EPHB1: variants seen among roughly 807,000 people sequenced by gnomAD.
The protein encoded by EPHB1 is EPH receptor B1.
Under a neutral mutation model 94.4 loss-of-function variants are expected in EPHB1, and 30 were observed. The observed-to-expected ratio is 0.32, with a 90% CI of 0.24 to 0.43. EPHB1 has a LOEUF of 0.43. Ranked by LOEUF, EPHB1 falls within the 20% of genes least tolerant of loss-of-function variation. EPHB1 has a pLI of 1.00. For synonymous variants in EPHB1, 522 were observed against 489.1 expected (o/e 1.07, Z -0.89); for missense variants, 1,055 against 1,308.3 (o/e 0.81, Z 2.99).
intron 4 of EPHB1, among the ~76,000 whole-genome samples, chr3:135,113,798 C>G (rs1576396235): frequency 1.3e-5 from 2 of 152,328 alleles, no homozygotes; most frequent in Middle Eastern, 6.8e-3. Flanking sequence ...GTTGCTTTAA[C>G]TGTTCCCCAA....
At chr3:135,178,316 C>T (rs915677528) in intron 9 of EPHB1, among the ~76,000 whole-genome samples, 3 of 151,542 alleles carry the variant, frequency 2.0e-5, no homozygotes, top group South Asian at 2.1e-4. Flanking sequence ...ATTAGCTAGG[C>T]GTGGTGGTGC....
chr3:135,203,113 C>G (rs1449235034), intron 12 of EPHB1, among the ~76,000 whole-genome samples: 1 of 152,160 alleles, frequency 6.6e-6, no homozygotes, highest in Non-Finnish European at 1.5e-5. Flanking sequence ...AAAACTAACA[C>G]AGGAACGGAA....
chr3:135,253,136 T>C (rs1399439390), intron 15 of EPHB1, among the ~76,000 whole-genome samples: 7 of 148,542 alleles, frequency 4.7e-5, no homozygotes, highest in African/African-American at 1.5e-4. Flanking sequence ...GAGTAGGTTG[T>C]GAAAATTTTC....
At chr3:134,967,886 G>C (rs968198548) in intron 3 of EPHB1, among the ~76,000 whole-genome samples, 2 of 152,176 alleles carry the variant, frequency 1.3e-5, no homozygotes, top group Non-Finnish European at 2.9e-5. Context: ...TCTAAGATGA[G>C]GTCTCAAAGT....
At chr3:135,109,692 A>G (rs9883187) in intron 4 of EPHB1, among the ~76,000 whole-genome samples, 6,815 of 152,322 alleles carry the variant, frequency 0.045, 214 homozygotes, top group South Asian at 0.15. Context: ...GCTGAAAACA[A>G]ATGAGAAGGT....
chr3:135,031,374 G>C (rs1196924774), intron 3 of EPHB1, among the ~76,000 whole-genome samples: 2 of 152,010 alleles, frequency 1.3e-5, no homozygotes, highest in Non-Finnish European at 2.9e-5. Context: ...TAGTGGCCTG[G>C]TCTCAGCTCA....
chr3:134,868,595 A>G (rs2037430702), intron 1 of EPHB1, among the ~76,000 whole-genome samples: 1 of 152,164 alleles, frequency 6.6e-6, no homozygotes, highest in Non-Finnish European at 1.5e-5. Flanking sequence ...GAGGGAAAGG[A>G]TCTCAGAGGG....
intron 3 of EPHB1, among the ~76,000 whole-genome samples, chr3:135,094,691 C>T (rs1174465541): frequency 6.6e-6 from 1 of 152,232 alleles, no homozygotes; most frequent in Non-Finnish European, 1.5e-5. Flanking sequence ...CTTCTCTGCT[C>T]TCTCTGTCTT....
rs1384350519 is a variant in EPHB1 at position 134,951,948 on chromosome 3, T to G, written c.701T>G (p.Val234Gly). 7 of 1,614,002 alleles carry G rather than the reference T, an allele frequency of 4.3e-6. No individual in the cohort carries two copies. The South Asian group carries it at 7.7e-5, about 18-fold the overall frequency. Residue 234 changes from valine (V) to glycine (G), a missense_variant, in exon 3 of 16, where the codon GTG becomes GGG. Coordinates refer to ENST00000398015, the MANE Select transcript of EPHB1 (RefSeq NM_004441.5). This position sits in a 1 kb window ranked among gnomAD's most constrained non-coding sequence, Gnocchi z 4.5. ...TCIPNAEEVDVPIKLYCNGDG... is the reference protein window; with the variant it reads ...TCIPNAEEVDGPIKLYCNGDG... ...ATCCCCAACGCAGAGGAAGTGGACG[T>G]GCCCATCAAACTCTACTGCAACGGG... is the stretch of plus-strand genomic sequence containing the variant.
At chr3:134,852,722 A>G (rs2037017800) in intron 1 of EPHB1, 1 of 152,126 alleles carries the variant, frequency 6.6e-6, no homozygotes, top group Admixed American at 6.6e-5. Flanking sequence ...AAAGATACAT[A>G]CATACTTATG....
intron 3 of EPHB1, among the ~76,000 whole-genome samples, chr3:135,104,903 T>A (rs1939155780): frequency 6.6e-6 from 1 of 152,226 alleles, no homozygotes; most frequent in Non-Finnish European, 1.5e-5. Context: ...AGGAAACAAT[T>A]CTTTCTTCTT....
intron 2 of EPHB1, among the ~76,000 whole-genome samples, chr3:134,934,174 C>G (rs547704031): frequency 6.6e-6 from 1 of 152,338 alleles, no homozygotes; most frequent in Admixed American, 6.5e-5. Context: ...TAATTGCACT[C>G]AGCAGAGCTC....
chr3:134,811,968 A>G (rs2036188108), intron 1 of EPHB1, among the ~76,000 whole-genome samples: 1 of 152,240 alleles, frequency 6.6e-6, no homozygotes. Context: ...GGAGTAACTC[A>G]GAAGCCTTGG....
At chr3:134,916,779 G>A (rs889079525) in intron 1 of EPHB1, among the ~76,000 whole-genome samples, 5 of 152,186 alleles carry the variant, frequency 3.3e-5, no homozygotes, top group Non-Finnish European at 5.9e-5. Flanking sequence ...ATCCGGCTCC[G>A]GCCTCGGCCA....
chr3:134,856,807 C>A (rs1434047093), intron 1 of EPHB1, among the ~76,000 whole-genome samples: 1 of 152,150 alleles, frequency 6.6e-6, no homozygotes, highest in Non-Finnish European at 1.5e-5. Context: ...TTAATTTCAC[C>A]TGTTTTTACT....
chr3:134,822,142 G>A (rs2036393650), intron 1 of EPHB1, among the ~76,000 whole-genome samples: 2 of 152,162 alleles, frequency 1.3e-5, no homozygotes, highest in Non-Finnish European at 2.9e-5. Flanking sequence ...GCCATAGCTG[G>A]CAAAGACGTC....
intron 1 of EPHB1, among the ~76,000 whole-genome samples, chr3:134,853,103 G>A (rs1037817267): frequency 2.0e-5 from 3 of 152,174 alleles, no homozygotes; most frequent in Non-Finnish European, 4.4e-5. Flanking sequence ...GCTCAGAAGT[G>A]GAAGAGAAAG....
intron 3 of EPHB1, among the ~76,000 whole-genome samples, chr3:135,058,984 G>A (rs1271111509): frequency 6.6e-6 from 1 of 152,146 alleles, no homozygotes; most frequent in South Asian, 2.1e-4. Context: ...TTTGGAGAAG[G>A]GGTTTTGGAG....
At position 135,249,425 on chromosome 3, in the gene EPHB1, A is replaced by G. The variant is rs370541210; in HGVS notation, c.2780A>G (p.Gln927Arg). The change falls in exon 15 of 16, where the codon CAG (glutamine) becomes CGG (arginine). Residue 927 changes from glutamine (Q) to arginine (R), a missense_variant. Physicochemically the swap from Gln to Arg is conservative, Grantham distance 43. Coordinates refer to ENST00000398015, the MANE Select transcript of EPHB1 (RefSeq NM_004441.5). ...TGGCTCAGCGCCATCAAAATGGTCCAGTACAGGGACAGCTTCCTCACTGCT... is the reference window on the plus strand; with the variant it reads ...TGGCTCAGCGCCATCAAAATGGTCCGGTACAGGGACAGCTTCCTCACTGCT... ...DDWLSAIKMVQYRDSFLTAGF... is the reference protein window; with the variant it reads ...DDWLSAIKMVRYRDSFLTAGF... The G allele has an allele frequency of 6.2e-7, 1 of 1,614,016 alleles. No individual in the cohort carries two copies.
Sources: allele counts gnomAD v4.1 joint callset (sites outside exome capture counted in the v4.1 genomes callset), GRCh38; gene constraint gnomAD v4.1.1; non-coding constraint Gnocchi (gnomAD v3.1); transcripts MANE v1.5; gene names NCBI Gene and HGNC (gene_info 2026-07-23, HGNC 2026-07-21).